Variants in CISD2 observed in about 807,000 individuals in gnomAD.
CISD2 encodes the protein CDGSH iron sulfur domain 2, also known as CDGSH iron-sulfur domain-containing protein 2.
Under a neutral mutation model 12.9 loss-of-function variants are expected in CISD2, and 1 was observed. That is an observed-to-expected ratio of 0.08 (90% CI 0.03 to 0.37). The LOEUF (loss-of-function observed/expected upper bound fraction) is 0.37, where lower values mean the gene tolerates loss of function less well. CISD2 is among the 10% of genes least tolerant of loss of function. The pLI is 0.99. For missense variants in CISD2, 97 were observed against 163.1 expected (o/e 0.59, Z 2.21); for synonymous variants, 50 against 60.6 (o/e 0.83, Z 0.81).
intron 1 of CISD2, among the ~76,000 whole-genome samples, chr4:102,871,892 A>T (rs1478924918): frequency 6.6e-6 from 1 of 152,046 alleles, no homozygotes; most frequent in Non-Finnish European, 1.5e-5. Context: ...AAAGCTATTG[A>T]CTCTCTTATG....
chr4:102,879,266 T>C (rs1478623717), intron 1 of CISD2, among the ~76,000 whole-genome samples: 1 of 151,940 alleles, frequency 6.6e-6, no homozygotes, highest in African/African-American at 2.4e-5. Flanking sequence ...AAATATTTAA[T>C]TTTTATAGTA....
rs905779115 is a variant in CISD2 at position 102,892,379 on chromosome 4, C to G, written c.*4949C>G. The G allele has an allele frequency of 7.9e-5, 12 of 152,116 alleles. No individual in the cohort carries two copies. The highest frequency in any genetic ancestry group is 2.9e-4 in the African/African-American group (12 of 41,414). The allele number at this position is 152,116 out of a possible 1,614,324, so 9.4% of individuals were successfully genotyped here. A position where few individuals can be genotyped will look rare whatever the true frequency, so the allele number is the denominator to read the frequency against. The stretch of plus-strand genomic sequence containing the variant: ...CTGGTGTTTTATCTTTTGCAGAAAT[C>G]CAATTTAGTAAAGTCATGTTGTAGC... On this transcript the variant is annotated 3_prime_UTR_variant, in exon 3 of 3. Transcript: ENST00000273986.
chr4:102,871,909 C>G (rs1017708765), intron 1 of CISD2, among the ~76,000 whole-genome samples: 2 of 151,940 alleles, frequency 1.3e-5, no homozygotes. Context: ...TATGATGACT[C>G]TGCATTCTTA....
At chr4:102,876,931 C>A (rs1287761315) in intron 1 of CISD2, among the ~76,000 whole-genome samples, 1 of 152,020 alleles carries the variant, frequency 6.6e-6, no homozygotes, top group Non-Finnish European at 1.5e-5. Context: ...GGGCAAGAGC[C>A]CCTTATAAAA....
At chr4:102,876,299 CA>C (rs1321986591) in intron 1 of CISD2, among the ~76,000 whole-genome samples, 1 of 152,168 alleles carries the variant, frequency 6.6e-6, no homozygotes, top group African/African-American at 2.4e-5. Flanking sequence ...ATTTATACCA[CA>C]GATAAACTGA....
chr4:102,870,719 G>A (rs1368946608), intron 1 of CISD2, among the ~76,000 whole-genome samples: 1 of 152,098 alleles, frequency 6.6e-6, no homozygotes, highest in South Asian at 2.1e-4. Flanking sequence ...CAGAATTGCA[G>A]CAATTCCATA....
intron 1 of CISD2, among the ~76,000 whole-genome samples, chr4:102,877,635 C>T (rs1002422949): frequency 1.3e-5 from 2 of 152,242 alleles, no homozygotes; most frequent in African/African-American, 4.8e-5. Flanking sequence ...GTGAGGGCTC[C>T]AACCCCACAT....
chr4:102,892,125 C>G lies in CISD2; in HGVS notation c.*4695C>G, dbSNP rs1253122622. ...CCAGGCTGGAGTGCGGGGGCATGAT[C>G]GTAGCTCACTGCAGCCTCAGCCTCT... On this transcript the variant is annotated 3_prime_UTR_variant, in exon 3 of 3. Coordinates refer to ENST00000273986, the MANE Select transcript of CISD2 (RefSeq NM_001008388.5). 6.6e-6 allele frequency: 1 copy of G among 152,218 alleles called. No individual in the cohort carries two copies. The highest frequency in any genetic ancestry group is 6.5e-5 in the Admixed American group (1 of 15,272). 9.4% of individuals were successfully genotyped at this position (152,218 alleles called of 1,614,324 possible). A position where few individuals can be genotyped will look rare whatever the true frequency, so the allele number is the denominator to read the frequency against.
chr4:102,869,026 C>T lies in CISD2; in HGVS notation c.-59C>T. On this transcript the variant is annotated 5_prime_UTR_variant, in exon 1 of 3. Transcript: ENST00000273986. ...CGGCCGCTTCCGCTCCCGGCGCAGG[C>T]GCGGCAGCTTGGCCAGAGCGGAGGG... 1 of 1,518,290 alleles carries T rather than the reference C, an allele frequency of 6.6e-7. No homozygotes were observed. The highest frequency in any genetic ancestry group is 8.8e-7 in the Non-Finnish European group (1 of 1,132,052). 94.1% of individuals were successfully genotyped at this position (1,518,290 alleles called of 1,614,324 possible).
chr4:102,892,562 A>C lies in CISD2; in HGVS notation c.*5132A>C, dbSNP rs1162108806. On this transcript the variant is annotated 3_prime_UTR_variant, in exon 3 of 3. Transcript: ENST00000273986. The stretch of plus-strand genomic sequence containing the variant: ...CATCACTCTAACTTTCCTTTGGTTT[A>C]AATGCTTGATTCTTCGCTTACAAAA... 1 of 152,210 alleles carries C rather than the reference A, an allele frequency of 6.6e-6. No homozygotes were observed. Among genetic ancestry groups the C allele is most frequent in the African/African-American group, 2.4e-5 (1 of 41,454 alleles). 9.4% of individuals were successfully genotyped at this position (152,210 alleles called of 1,614,324 possible).
chr4:102,885,905 G>A lies in CISD2; in HGVS notation c.318+475G>A, dbSNP rs1675031764. 2.0e-5 allele frequency among the ~76,000 whole-genome samples: 3 copies of A among 152,244 alleles called. No individual in the cohort carries two copies. The South Asian group carries it at 6.2e-4, about 32-fold the overall frequency. On this transcript the variant is annotated intron_variant, in intron 2 of 2. Coordinates refer to ENST00000273986, the MANE Select transcript of CISD2 (RefSeq NM_001008388.5). ...ATGTAAACTGCTTTAATAATATGAG[G>A]TAGTAAATGATAGCCTCAATTATAG...
At chr4:102,869,978 G>A (rs1294572366) in intron 1 of CISD2, among the ~76,000 whole-genome samples, 3 of 152,200 alleles carry the variant, frequency 2.0e-5, no homozygotes, top group Non-Finnish European at 4.4e-5. Flanking sequence ...ACACTTGGGA[G>A]ATTGTGTTGA....
chr4:102,879,680 G>A (rs1375693362), intron 1 of CISD2, among the ~76,000 whole-genome samples: 1 of 152,072 alleles, frequency 6.6e-6, no homozygotes, highest in Admixed American at 6.6e-5. Flanking sequence ...GCTGAGGCAG[G>A]AGAATCGCTT....
chr4:102,874,293 A>G (rs758991728), intron 1 of CISD2, among the ~76,000 whole-genome samples: 6 of 152,136 alleles, frequency 3.9e-5, no homozygotes, highest in Admixed American at 1.3e-4. Context: ...ATTCATGGAC[A>G]TGAAGATGGC....
Position 102,887,506 on chromosome 4 carries a change from G to C in CISD2, c.*76G>C. Reference sequence around the variant, plus strand: ...GTGGTCTTAATTATTACTACTGGTTGAACAATTATTTCTTCCAATTTATTT... The same window carrying C: ...GTGGTCTTAATTATTACTACTGGTTCAACAATTATTTCTTCCAATTTATTT... On this transcript the variant is annotated 3_prime_UTR_variant, in exon 3 of 3. Transcript: ENST00000273986. 1 of 798,430 alleles carries C rather than the reference G, an allele frequency of 1.3e-6. No homozygotes were observed. The highest frequency in any genetic ancestry group is 2.1e-6 in the Non-Finnish European group (1 of 471,608). 49.5% of individuals were successfully genotyped at this position (798,430 alleles called of 1,614,324 possible). A position where few individuals can be genotyped will look rare whatever the true frequency, so the allele number is the denominator to read the frequency against.
chr4:102,872,758 A>G (rs1733490637), intron 1 of CISD2, among the ~76,000 whole-genome samples: 1 of 152,248 alleles, frequency 6.6e-6, no homozygotes, highest in African/African-American at 2.4e-5. Flanking sequence ...GTCACTATAT[A>G]TAATAAAAGG....
rs1219071252 is a variant in CISD2, at chr4:102,888,415, GT to G, written c.*988del. The G allele has an allele frequency of 1.3e-5, 2 of 152,142 alleles. No homozygotes were observed. The highest frequency in any genetic ancestry group is 2.9e-5 in the Non-Finnish European group (2 of 68,032). 9.4% of individuals were successfully genotyped at this position (152,142 alleles called of 1,614,324 possible). On this transcript the variant is annotated 3_prime_UTR_variant, in exon 3 of 3. Transcript: ENST00000273986. ...TCCAGTTGACCCTCCGTACACATGA[GT>G]TTCACATCCCATGCACAAATGCTGA...
At chr4:102,877,016 C>A (rs77066374) in intron 1 of CISD2, among the ~76,000 whole-genome samples, 2,272 of 152,284 alleles carry the variant, frequency 0.015, 27 homozygotes, top group Non-Finnish European at 0.024. Context: ...CCTCCCTCAA[C>A]ATGTGGAAAT....
At position 102,869,042 on chromosome 4, in the gene CISD2, G is replaced by A. The variant is rs746657323; in HGVS notation, c.-43G>A. 13 of 1,578,148 alleles carry A rather than the reference G, an allele frequency of 8.2e-6. No homozygotes were observed. Among genetic ancestry groups the A allele is most frequent in the Admixed American group, 5.4e-5 (3 of 55,752 alleles). On this transcript the variant is annotated 5_prime_UTR_variant, in exon 1 of 3. Coordinates refer to ENST00000273986, the MANE Select transcript of CISD2 (RefSeq NM_001008388.5). Reference sequence around the variant, plus strand: ...CGGCGCAGGCGCGGCAGCTTGGCCAGAGCGGAGGGGGCTCGGGAGAGGAGT... The same window carrying A: ...CGGCGCAGGCGCGGCAGCTTGGCCAAAGCGGAGGGGGCTCGGGAGAGGAGT...
Sources: gnomAD v4.1 joint callset for allele counts (sites outside exome capture counted in the v4.1 genomes callset) on GRCh38, gnomAD v4.1.1 for gene constraint, MANE v1.5 for transcripts, NCBI Gene and HGNC (gene_info 2026-07-23, HGNC 2026-07-21) for gene names.